TTC33: variants seen among roughly 807,000 people sequenced by gnomAD.
TTC33 encodes tetratricopeptide repeat domain 33, also known as tetratricopeptide repeat protein 33.
Under a neutral mutation model 29.4 loss-of-function variants are expected in TTC33, and 24 were observed. That is an observed-to-expected ratio of 0.82 (90% CI 0.59 to 1.15). TTC33 has a LOEUF of 1.15. Among genes scored for constraint, TTC33 ranks in the 50% most tolerant of loss-of-function variants. The probability of loss-of-function intolerance (pLI) is 0.00; values close to 1 mark genes in which losing one functional copy is unlikely to be tolerated. For synonymous variants in TTC33, 107 were observed against 100.3 expected (o/e 1.07, Z -0.40); for missense variants, 286 against 310.4 (o/e 0.92, Z 0.59).
At chr5:40,731,694 TATTACA>T (rs1742431586) in intron 2 of TTC33, among the ~76,000 whole-genome samples, 1 of 152,164 alleles carries the variant, frequency 6.6e-6, no homozygotes, top group Non-Finnish European at 1.5e-5. Context: ...ACACGGGGAT[TATTACA>T]ATTCAAGGTG....
At chr5:40,717,154 G>C (rs1022096040) in intron 4 of TTC33, among the ~76,000 whole-genome samples, 10 of 150,566 alleles carry the variant, frequency 6.6e-5, no homozygotes, top group African/African-American at 2.2e-4. Context: ...GCTTGAACCC[G>C]GGAGACAGAG....
intron 4 of TTC33, among the ~76,000 whole-genome samples, chr5:40,724,014 G>T (rs1173441536): frequency 6.6e-6 from 1 of 152,146 alleles, no homozygotes; most frequent in Non-Finnish European, 1.5e-5. Context: ...ATGTAATAAA[G>T]CTATCTCATT....
chr5:40,728,871 C>A (rs1742357699), intron 3 of TTC33, among the ~76,000 whole-genome samples: 1 of 152,150 alleles, frequency 6.6e-6, no homozygotes, highest in Non-Finnish European at 1.5e-5. Flanking sequence ...GCCATCCCGT[C>A]CCTAATGAAC....
intron 2 of TTC33, among the ~76,000 whole-genome samples, chr5:40,745,752 T>A (rs1252414104): frequency 6.6e-6 from 1 of 151,438 alleles, no homozygotes; most frequent in African/African-American, 2.4e-5. Context: ...TGTTTATTTA[T>A]TTGACAGGGT....
intron 2 of TTC33, among the ~76,000 whole-genome samples, chr5:40,738,576 AAAT>A (rs1742622521): frequency 6.8e-6 from 1 of 146,450 alleles, no homozygotes; most frequent in African/African-American, 2.5e-5. Context: ...ATATAAAATA[AAAT>A]AAAATAAAAT....
intron 2 of TTC33, 54 bp downstream of exon 2, chr5:40,746,744 G>T: frequency 3.7e-6 from 5 of 1,337,480 alleles, no homozygotes; most frequent in Non-Finnish European, 1.0e-6. Flanking sequence ...ATTACGGACA[G>T]TGAGCTAGAA....
In TTC33 at chr5:40,711,808, A is replaced by C. The variant is rs1741904168; in HGVS notation, c.*4337T>G. Among the ~76,000 whole-genome samples, 1 of 152,154 alleles carries C rather than the reference A, an allele frequency of 6.6e-6. No individual in the cohort carries two copies. Among genetic ancestry groups the C allele is most frequent in the Non-Finnish European group, 1.5e-5 (1 of 67,996 alleles). On this transcript the variant is annotated 3_prime_UTR_variant, in exon 5 of 5. Coordinates refer to ENST00000337702, the MANE Select transcript of TTC33 (RefSeq NM_012382.3). ...CAAAAAAAAAGTCAGACACAAAAAG[A>C]GTGCATATTATATGGCCTATTTATT...
chr5:40,716,174 C>A lies in TTC33; in HGVS notation c.760G>T (p.Asp254Tyr), dbSNP rs1741993067. The change falls in exon 5 of 5, where the codon GAT becomes TAT. Residue 254 changes from aspartate to tyrosine, a missense_variant. By Grantham distance (160) the Asp-to-Tyr change is radical. Transcript: ENST00000337702. The part of the protein sequence containing the change: ...TEKEDGATPP[D>Y]GSVFIKAR The stretch of plus-strand genomic sequence containing the variant: ...CGGGCTTTGATAAAAACAGAGCCAT[C>A]TGGTGGTGTAGCACCATCCTCCTTT... 6.2e-7 allele frequency: 1 copy of A among 1,610,696 alleles called. No individual in the cohort carries two copies. Among genetic ancestry groups the A allele is most frequent in the Non-Finnish European group, 8.5e-7 (1 of 1,177,560 alleles).
intron 4 of TTC33, among the ~76,000 whole-genome samples, chr5:40,719,655 A>C (rs1300892139): frequency 6.6e-6 from 1 of 152,204 alleles, no homozygotes; most frequent in Non-Finnish European, 1.5e-5. Context: ...AACATTTTAC[A>C]TTCCCACCAG....
chr5:40,742,136 G>C (rs1455797409), intron 2 of TTC33, among the ~76,000 whole-genome samples: 1 of 151,612 alleles, frequency 6.6e-6, no homozygotes, highest in Non-Finnish European at 1.5e-5. Flanking sequence ...TTTTCTAGTT[G>C]TTTGGGGCCA....
Position 40,716,417 on chromosome 5 carries a change from T to A in TTC33, c.517A>T (p.Thr173Ser), listed in dbSNP as rs1561141625. 6.2e-7 allele frequency: 1 copy of A among 1,613,930 alleles called. No individual in the cohort carries two copies. Among genetic ancestry groups the A allele is most frequent in the Admixed American group, 1.7e-5 (1 of 60,024 alleles). The part of the protein sequence containing the change: ...IWKEDLSWAR[T>S]LQEQQKVAQR... ...GCTACCTTCTGCTGCTCCTGGAGCG[T>A]TCTTGCCCAAGAGAGGTCTTCTTTC... The change falls in exon 5 of 5, where the codon ACG becomes TCG. Residue 173 changes from threonine (T) to serine (S), a missense_variant. Physicochemically the swap from Thr to Ser is moderately conservative, Grantham distance 58. Transcript: ENST00000337702.
intron 4 of TTC33, among the ~76,000 whole-genome samples, chr5:40,722,707 C>T (rs1451572215): frequency 1.3e-5 from 2 of 151,860 alleles, no homozygotes; most frequent in East Asian, 3.9e-4. Context: ...CGTCTCCGCC[C>T]GGCCAGCGCC....
At chr5:40,734,023 C>T (rs1375478404) in intron 2 of TTC33, among the ~76,000 whole-genome samples, 1 of 152,218 alleles carries the variant, frequency 6.6e-6, no homozygotes, top group Non-Finnish European at 1.5e-5. Context: ...CCAGCAGAGG[C>T]ATCCCTCAAT....
intron 4 of TTC33, among the ~76,000 whole-genome samples, chr5:40,718,062 C>CAA (rs138655383): frequency 1.8e-3 from 243 of 132,956 alleles, no homozygotes; most frequent in Non-Finnish European, 3.1e-3. Context: ...AACTCCGTCT[C>CAA]AAAAAAAAAA....
At chr5:40,722,196 C>T (rs994379391) in intron 4 of TTC33, among the ~76,000 whole-genome samples, 9 of 151,858 alleles carry the variant, frequency 5.9e-5, no homozygotes, top group Admixed American at 4.6e-4. Flanking sequence ...CAGAGGGAGA[C>T]TCTGTCTCAA....
chr5:40,727,893 T>C (rs1053764820), intron 4 of TTC33, among the ~76,000 whole-genome samples: 3 of 152,166 alleles, frequency 2.0e-5, no homozygotes, highest in Non-Finnish European at 4.4e-5. Context: ...GTGAACTGTG[T>C]TTATGGATTA....
intron 2 of TTC33, among the ~76,000 whole-genome samples, chr5:40,735,814 C>A (rs1025742702): frequency 6.6e-6 from 1 of 152,102 alleles, no homozygotes; most frequent in Non-Finnish European, 1.5e-5. Flanking sequence ...CAATAAATGA[C>A]AACAGAGAAG....
intron 2 of TTC33, among the ~76,000 whole-genome samples, chr5:40,739,910 A>T (rs888016020): frequency 2.6e-5 from 4 of 152,098 alleles, no homozygotes; most frequent in African/African-American, 9.7e-5. Flanking sequence ...ACAATTTTAG[A>T]TTTGGGAATA....
At position 40,714,444 on chromosome 5, in the gene TTC33, A is replaced by G. The variant is rs934122447; in HGVS notation, c.*1701T>C. 6.6e-6 allele frequency: 1 copy of G among 152,240 alleles called. No homozygotes were observed. Among genetic ancestry groups the G allele is most frequent in the African/African-American group, 2.4e-5 (1 of 41,454 alleles). 9.4% of individuals were successfully genotyped at this position (152,240 alleles called of 1,614,324 possible). On this transcript the variant is annotated 3_prime_UTR_variant, in exon 5 of 5. Transcript: ENST00000337702. ...GATCAATCTAATTTTTCAAAAGCTA[A>G]CAACATAAAATAATAGGAAAATCTT...
Sources: allele counts gnomAD v4.1 joint callset (sites outside exome capture counted in the v4.1 genomes callset), GRCh38; gene constraint gnomAD v4.1.1; transcripts MANE v1.5; gene names NCBI Gene and HGNC (gene_info 2026-07-23, HGNC 2026-07-21).